The following ABLIM1 variants were observed in gnomAD, a reference collection of about 807,000 sequenced individuals.
ABLIM1 encodes the protein actin-binding LIM protein 1.
A neutral mutation model predicts 107.0 loss-of-function variants in ABLIM1; 40 were observed. The observed-to-expected ratio is 0.37, with a 90% CI of 0.29 to 0.49. ABLIM1 has a LOEUF of 0.49. Among genes scored for constraint, ABLIM1 ranks in the 20% least tolerant of loss-of-function variants. The probability of loss-of-function intolerance (pLI) is 0.97; values close to 1 mark genes in which losing one functional copy is unlikely to be tolerated. For synonymous variants in ABLIM1, 357 were observed against 357.3 expected, an observed-to-expected ratio of 1.00 and a Z score of 0.01; for missense variants, 857 against 1,008.5, an observed-to-expected ratio of 0.85 and a Z score of 2.04.
intron 6 of ABLIM1, among the ~76,000 whole-genome samples, chr10:114,530,745 G>T (rs186383966): frequency 1.3e-5 from 2 of 152,262 alleles, no homozygotes; most frequent in African/African-American, 4.8e-5. Flanking sequence ...TATTGGCCAG[G>T]CTGCTCTCAA....
chr10:114,630,867 T>C (rs2078130661), intron 1 of ABLIM1, among the ~76,000 whole-genome samples: 1 of 152,126 alleles, frequency 6.6e-6, no homozygotes. Flanking sequence ...TATAAAATCA[T>C]TTGGTGAAGG....
chr10:114,742,761 T>G (rs564182743), intron 1 of ABLIM1, among the ~76,000 whole-genome samples: 1 of 152,200 alleles, frequency 6.6e-6, no homozygotes, highest in South Asian at 2.1e-4. Flanking sequence ...AAACCCTGTC[T>G]CTACCAAAAA....
chr10:114,608,427 T>C (rs532030875), intron 1 of ABLIM1, among the ~76,000 whole-genome samples: 4 of 152,248 alleles, frequency 2.6e-5, no homozygotes, highest in East Asian at 1.9e-4. Context: ...CCCAGCACTT[T>C]GGGAGGCCGA....
rs1426176779 is a variant in ABLIM1 at position 114,482,823 on chromosome 10, G to C, written c.1041+5135C>G. ...CCAAATCTCTTAAGCTTAAAGGTCT[G>C]GGGCAAACTAAAAAATTTCACACTT... On this transcript the variant is annotated intron_variant, in intron 8 of 22. Transcript: ENST00000533213. Among the ~76,000 whole-genome samples the C allele has an allele frequency of 2.0e-5, 3 of 152,100 alleles. No homozygotes were observed. The South Asian group carries it at 6.2e-4, about 32-fold the overall frequency.
intron 8 of ABLIM1, among the ~76,000 whole-genome samples, chr10:114,478,791 T>C (rs938467391): frequency 2.0e-5 from 3 of 152,208 alleles, no homozygotes; most frequent in Non-Finnish European, 4.4e-5. Context: ...TTTCACTGAA[T>C]TTACCACTGT....
At chr10:114,747,054 C>T (rs1409687347) in intron 1 of ABLIM1, among the ~76,000 whole-genome samples, 1 of 152,132 alleles carries the variant, frequency 6.6e-6, no homozygotes, top group Non-Finnish European at 1.5e-5. Flanking sequence ...CTTCACTCTG[C>T]TAATTGTTTT....
At chr10:114,565,151 T>C (rs1367044942) in intron 4 of ABLIM1, among the ~76,000 whole-genome samples, 1 of 152,210 alleles carries the variant, frequency 6.6e-6, no homozygotes, top group Non-Finnish European at 1.5e-5. Flanking sequence ...TCCTCTGCCA[T>C]TGCATCCTAT....
intron 4 of ABLIM1, 142 bp from the exon 5 acceptor site, chr10:114,547,918 C>G: frequency 8.3e-7 from 1 of 1,201,544 alleles, no homozygotes; most frequent in Non-Finnish European, 1.1e-6. Context: ...GTTTCTTTCC[C>G]TGCACAAAAT....
Position 114,747,696 on chromosome 10 carries a change from T to C in ABLIM1, c.-213+20365A>G, listed in dbSNP as rs2082413698. On this transcript the variant is annotated intron_variant, in intron 1 of 15. Transcript: ENST00000651092. Reference sequence around the variant, plus strand: ...CAGTTTACAATTCTAATTGCTTTCTTTATATGTCCTCAAAGTCTACAAAGA... The same window carrying C: ...CAGTTTACAATTCTAATTGCTTTCTCTATATGTCCTCAAAGTCTACAAAGA... Among the ~76,000 whole-genome samples the C allele has an allele frequency of 2.0e-5, 3 of 152,228 alleles. No homozygotes were observed. The South Asian group carries it at 6.2e-4, about 32-fold the overall frequency.
At chr10:114,455,969 C>T (rs956965797) in intron 12 of ABLIM1, among the ~76,000 whole-genome samples, 2 of 152,152 alleles carry the variant, frequency 1.3e-5, no homozygotes, top group East Asian at 3.9e-4. Context: ...CCCGCCACCG[C>T]GCCCGGCTAA....
At chr10:114,652,928 A>G (rs1343514016) in intron 1 of ABLIM1, among the ~76,000 whole-genome samples, 1 of 152,190 alleles carries the variant, frequency 6.6e-6, no homozygotes, top group Non-Finnish European at 1.5e-5. Context: ...GGCAACAGCA[A>G]TATACTTTAT....
chr10:114,603,623 T>C (rs1359506044), intron 1 of ABLIM1, among the ~76,000 whole-genome samples: 1 of 148,972 alleles, frequency 6.7e-6, no homozygotes, highest in Non-Finnish European at 1.5e-5. Context: ...CCAAAAAACC[T>C]ATCCCTTGCA....
At chr10:114,455,294 A>G (rs1430811896) in intron 12 of ABLIM1, among the ~76,000 whole-genome samples, 2 of 152,182 alleles carry the variant, frequency 1.3e-5, no homozygotes, top group African/African-American at 4.8e-5. Flanking sequence ...TCTTCTCAAG[A>G]GCTGGTTTAG....
intron 6 of ABLIM1, among the ~76,000 whole-genome samples, chr10:114,501,766 G>A (rs527711156): frequency 2.0e-5 from 3 of 152,260 alleles, no homozygotes; most frequent in Admixed American, 6.5e-5. Context: ...CATACACACA[G>A]TCTCCCCCAC....
At chr10:114,639,902 G>C (rs1439453113) in intron 1 of ABLIM1, among the ~76,000 whole-genome samples, 1 of 152,170 alleles carries the variant, frequency 6.6e-6, no homozygotes, top group African/African-American at 2.4e-5. Context: ...CAGTCACAAT[G>C]TGTAGGAATT....
chr10:114,599,733 G>A (rs1466435281), intron 2 of ABLIM1, among the ~76,000 whole-genome samples: 1 of 151,942 alleles, frequency 6.6e-6, no homozygotes, highest in African/African-American at 2.4e-5. Context: ...GTTGCAGTGA[G>A]CTGAGATCAC....
chr10:114,440,933 A>G, intron 19 of ABLIM1, 84 bp downstream of exon 19: 1 of 1,307,814 alleles, frequency 7.6e-7, no homozygotes, highest in South Asian at 1.3e-5. Flanking sequence ...ATACAGCATG[A>G]ACACAGCCAG....
Position 114,613,654 on chromosome 10 carries a change from C to G in ABLIM1, c.245-11693G>C, listed in dbSNP as rs767781126. 9 of 1,322,816 alleles carry G rather than the reference C, an allele frequency of 6.8e-6. No individual in the cohort carries two copies. In the South Asian group the frequency reaches 1.1e-4, roughly 16 times the overall value. The allele number at this position is 1,322,816 out of a possible 1,614,324, so 81.9% of individuals were successfully genotyped here. ...GTGAATAAAGACACAAACCTGCCCT[C>G]ACCTGGGTCTCTCCAGTGTCTGCAC... On this transcript the variant is annotated intron_variant, in intron 1 of 22. Transcript: ENST00000533213.
Position 114,607,307 on chromosome 10 carries a change from G to A in ABLIM1, c.245-5346C>T, listed in dbSNP as rs527906198. Among the ~76,000 whole-genome samples, 8 of 152,230 alleles carry A rather than the reference G, an allele frequency of 5.3e-5. 1 individual carries two copies. In the South Asian group the frequency reaches 6.2e-4, roughly 12 times the overall value. The stretch of plus-strand genomic sequence containing the variant: ...CATCACCTGACCTCGTGATCCACCC[G>A]GCTCTGCCTCCCGAAGTGTTGGGAT... On this transcript the variant is annotated intron_variant, in intron 1 of 22. Transcript: ENST00000533213.
Sources: allele counts gnomAD v4.1 joint callset (sites outside exome capture counted in the v4.1 genomes callset), GRCh38; gene constraint gnomAD v4.1.1; transcripts MANE v1.5; gene names NCBI Gene and HGNC (gene_info 2026-07-23, HGNC 2026-07-21).